Variants in MSRA observed in about 807,000 individuals in gnomAD.
MSRA encodes the protein methionine sulfoxide reductase A.
Under a neutral mutation model 31.3 loss-of-function variants are expected in MSRA, and 54 were observed. That is an observed-to-expected ratio of 1.73 (90% CI 1.39 to 2.17). The LOEUF is 2.17. Ranked by LOEUF, MSRA falls within the 30% of genes most tolerant of loss-of-function variation. The pLI, the probability that MSRA is intolerant of heterozygous loss-of-function variation, is 0.00. For missense variants in MSRA, 507 were observed against 300.9 expected, an observed-to-expected ratio of 1.69 and a Z score of -5.07; for synonymous variants, 169 against 116.5, an observed-to-expected ratio of 1.45 and a Z score of -2.90.
chr8:10,139,350 A>G (rs1157421260), intron 1 of MSRA, among the ~76,000 whole-genome samples: 1 of 152,068 alleles, frequency 6.6e-6, no homozygotes, highest in African/African-American at 2.4e-5. Context: ...GTTTTAAACC[A>G]CTTCTCATGA....
At chr8:10,128,604 A>G (rs537632682) in intron 1 of MSRA, among the ~76,000 whole-genome samples, 1 of 151,990 alleles carries the variant, frequency 6.6e-6, no homozygotes, top group East Asian at 1.9e-4. Context: ...TACTCAGCAC[A>G]CTCCTCTTAG....
At chr8:10,368,162 T>G (rs1805275106) in intron 5 of MSRA, among the ~76,000 whole-genome samples, 1 of 152,176 alleles carries the variant, frequency 6.6e-6, no homozygotes, top group Non-Finnish European at 1.5e-5. Flanking sequence ...GTGGGACAAG[T>G]GTACCTTCAC....
rs150632893 is a variant in MSRA at position 10,134,178 on chromosome 8, C to G, written c.143-73655C>G. On this transcript the variant is annotated intron_variant, in intron 1 of 5. Coordinates refer to ENST00000317173, the MANE Select transcript of MSRA (RefSeq NM_012331.5). The stretch of plus-strand genomic sequence containing the variant: ...TTCTGTGGTGATAAATTATGAAATG[C>G]CTTTCTCGTGCCATCCGACCTCCTG... Among the ~76,000 whole-genome samples, 252 of 152,260 alleles carry G rather than the reference C, an allele frequency of 1.7e-3. 2 individuals are homozygous for G. The highest frequency in any genetic ancestry group is 5.5e-3 in the African/African-American group (229 of 41,546).
chr8:10,178,397 C>T (rs1461592695), intron 1 of MSRA, among the ~76,000 whole-genome samples: 2 of 151,968 alleles, frequency 1.3e-5, no homozygotes, highest in African/African-American at 4.8e-5. Flanking sequence ...CAAGACCAGC[C>T]TGGGCAAGAC....
At chr8:10,370,805 G>A (rs749340166) in intron 5 of MSRA, among the ~76,000 whole-genome samples, 29 of 152,240 alleles carry the variant, frequency 1.9e-4, no homozygotes, top group Non-Finnish European at 3.7e-4. Flanking sequence ...GTCGGCTCCT[G>A]GCTGGCCATG....
intron 1 of MSRA, among the ~76,000 whole-genome samples, chr8:10,202,505 A>G (rs1808586624): frequency 6.6e-6 from 1 of 152,214 alleles, no homozygotes; most frequent in Non-Finnish European, 1.5e-5. Context: ...TTAAACCAGC[A>G]ATGGCAAAAT....
intron 5 of MSRA, among the ~76,000 whole-genome samples, chr8:10,359,739 G>T (rs1485801553): frequency 6.6e-6 from 1 of 151,916 alleles, no homozygotes; most frequent in African/African-American, 2.4e-5. Flanking sequence ...GATGGAGGAC[G>T]ATCTCAGATG....
intron 1 of MSRA, among the ~76,000 whole-genome samples, chr8:10,124,258 T>C (rs781405732): frequency 4.6e-5 from 7 of 152,116 alleles, no homozygotes; most frequent in Non-Finnish European, 1.0e-4. Context: ...TTGATAAATA[T>C]GGTGACAGCT....
rs571806613 is a variant in MSRA, at chr8:10,340,928, G to A, written c.543+20939G>A. Among the ~76,000 whole-genome samples, 3 of 152,262 alleles carry A rather than the reference G, an allele frequency of 2.0e-5. No homozygotes were observed. In the South Asian group the frequency reaches 6.2e-4, roughly 32 times the overall value. On this transcript the variant is annotated intron_variant, in intron 5 of 5. Coordinates refer to ENST00000317173, the MANE Select transcript of MSRA (RefSeq NM_012331.5). ...AAAATGGTATTTCTTTGAGAAAAAA[G>A]ATGCCCCTGATAAGAAAGACAACAA...
At chr8:10,148,314 T>C (rs1244025230) in intron 1 of MSRA, among the ~76,000 whole-genome samples, 2 of 152,098 alleles carry the variant, frequency 1.3e-5, no homozygotes, top group South Asian at 4.1e-4. Flanking sequence ...TCTTTTTTTT[T>C]TTTTTATGAG....
chr8:10,263,869 A>C (rs1798607669), intron 3 of MSRA, among the ~76,000 whole-genome samples: 1 of 152,244 alleles, frequency 6.6e-6, no homozygotes, highest in South Asian at 2.1e-4. Context: ...ATATAGATAC[A>C]GAACACATTA....
intron 3 of MSRA, among the ~76,000 whole-genome samples, chr8:10,269,916 G>T (rs541070706): frequency 6.6e-6 from 1 of 152,292 alleles, no homozygotes; most frequent in South Asian, 2.1e-4. Flanking sequence ...CTCCCAAAGT[G>T]CTGGGATTAC....
intron 1 of MSRA, among the ~76,000 whole-genome samples, chr8:10,092,700 A>G (rs1798918202): frequency 6.6e-6 from 1 of 151,628 alleles, no homozygotes; most frequent in Non-Finnish European, 1.5e-5. Context: ...GTCTGTTGGT[A>G]CTAGTTGATT....
chr8:10,323,493 A>T (rs1252216931), intron 5 of MSRA, among the ~76,000 whole-genome samples: 1 of 152,170 alleles, frequency 6.6e-6, no homozygotes, highest in Non-Finnish European at 1.5e-5. Context: ...GATGGTGAAG[A>T]GGCTTATCAC....
intron 3 of MSRA, among the ~76,000 whole-genome samples, chr8:10,290,024 T>C (rs1330019025): frequency 5.9e-5 from 9 of 152,252 alleles, no homozygotes; most frequent in African/African-American, 2.4e-5. Flanking sequence ...ATAGGACAGA[T>C]ATTAGTATGC....
intron 2 of MSRA, among the ~76,000 whole-genome samples, chr8:10,209,201 C>G (rs1353480562): frequency 1.3e-5 from 2 of 152,238 alleles, no homozygotes; most frequent in African/African-American, 4.8e-5. Context: ...GCTAACTTTC[C>G]TGTCCCAGCA....
At chr8:10,299,975 G>T (rs1563325129) in intron 3 of MSRA, among the ~76,000 whole-genome samples, 2 of 152,218 alleles carry the variant, frequency 1.3e-5, no homozygotes, top group South Asian at 4.1e-4. Flanking sequence ...GACAAGGAAT[G>T]ATTGAATAAG....
chr8:10,309,492 C>T (rs576575670), intron 4 of MSRA, among the ~76,000 whole-genome samples: 31 of 152,218 alleles, frequency 2.0e-4, no homozygotes, highest in Non-Finnish European at 3.8e-4. Flanking sequence ...TTCCTCAGCT[C>T]ATGTTCTGAT....
intron 1 of MSRA, among the ~76,000 whole-genome samples, chr8:10,183,680 T>G (rs960156629): frequency 1.3e-5 from 2 of 152,098 alleles, no homozygotes; most frequent in African/African-American, 4.8e-5. Context: ...TTTTTCCCAC[T>G]CTACCCTGGA....
Sources: allele counts gnomAD v4.1 joint callset (sites outside exome capture counted in the v4.1 genomes callset), GRCh38; gene constraint gnomAD v4.1.1; transcripts MANE v1.5; gene names NCBI Gene and HGNC (gene_info 2026-07-23, HGNC 2026-07-21).